Variants in SPRED2 observed in about 807,000 individuals in gnomAD.
The protein encoded by SPRED2 is sprouty-related, EVH1 domain-containing protein 2.
SPRED2 carries 47 observed loss-of-function variants against 43.0 expected under a neutral mutation model. That is an observed-to-expected ratio of 1.09 (90% CI 0.87 to 1.40). The LOEUF (loss-of-function observed/expected upper bound fraction) is 1.40, where lower values mean the gene tolerates loss of function less well. SPRED2 is among the 40% of genes most tolerant of loss of function. SPRED2 has a pLI of 0.00. For synonymous variants in SPRED2, 225 were observed against 225.7 expected (o/e 1.00, Z 0.03); for missense variants, 561 against 586.4 (o/e 0.96, Z 0.45).
intron 1 of SPRED2, among the ~76,000 whole-genome samples, chr2:65,367,224 G>C (rs1185111793): frequency 6.6e-6 from 1 of 152,202 alleles, no homozygotes; most frequent in African/African-American, 2.4e-5. Context: ...AGGTGGGATA[G>C]TGGCATTGTG....
chr2:65,354,781 C>T (rs1056680918), intron 1 of SPRED2, among the ~76,000 whole-genome samples: 10 of 152,026 alleles, frequency 6.6e-5, no homozygotes, highest in African/African-American at 2.4e-4. Context: ...AACCTAAAAC[C>T]CTAACATGGG....
chr2:65,320,458 T>C (rs77230456), intron 4 of SPRED2, among the ~76,000 whole-genome samples: 203 of 152,178 alleles, frequency 1.3e-3, no homozygotes, highest in Middle Eastern at 0.01. Flanking sequence ...CCCAGCCCTC[T>C]CTCCCTGCAC....
intron 2 of SPRED2, among the ~76,000 whole-genome samples, chr2:65,338,822 T>C (rs982391398): frequency 6.6e-6 from 1 of 150,976 alleles, no homozygotes; most frequent in Admixed American, 6.6e-5. Flanking sequence ...GGAGCGTCTC[T>C]GCCCGGCCGC....
At chr2:65,400,538 AT>A (rs900772232) in intron 1 of SPRED2, among the ~76,000 whole-genome samples, 1 of 152,124 alleles carries the variant, frequency 6.6e-6, no homozygotes, top group African/African-American at 2.4e-5. Flanking sequence ...TACAGGTGGC[AT>A]TTGGTTACAT....
chr2:65,339,036 CGGGA>C (rs1674086091), intron 2 of SPRED2, among the ~76,000 whole-genome samples: 1 of 140,044 alleles, frequency 7.1e-6, no homozygotes, highest in East Asian at 2.2e-4. Flanking sequence ...CCGCCCCGTC[CGGGA>C]GGGAGGTGGG....
chr2:65,378,734 A>C (rs1284091078), intron 1 of SPRED2, among the ~76,000 whole-genome samples: 2 of 152,164 alleles, frequency 1.3e-5, no homozygotes, highest in African/African-American at 4.8e-5. Flanking sequence ...ATCAACTAAC[A>C]CATTGGTTCT....
intron 1 of SPRED2, among the ~76,000 whole-genome samples, chr2:65,424,165 G>A (rs1174537348): frequency 1.3e-5 from 2 of 151,990 alleles, no homozygotes; most frequent in Admixed American, 1.3e-4. Context: ...CTGGTGGCTT[G>A]GGATACTTAG....
intron 1 of SPRED2, among the ~76,000 whole-genome samples, chr2:65,401,462 T>A (rs752523051): frequency 9.2e-5 from 14 of 151,786 alleles, no homozygotes; most frequent in Non-Finnish European, 1.9e-4. Flanking sequence ...TTTTTTTTCC[T>A]GGTAGCATCA....
intron 2 of SPRED2, among the ~76,000 whole-genome samples, chr2:65,340,951 G>A (rs960881067): frequency 6.6e-6 from 1 of 151,996 alleles, no homozygotes; most frequent in Non-Finnish European, 1.5e-5. Flanking sequence ...GAGCTCCCAT[G>A]TGGGCGCATG....
chr2:65,342,189 T>C (rs1453933174), intron 2 of SPRED2, among the ~76,000 whole-genome samples: 1 of 148,118 alleles, frequency 6.8e-6, no homozygotes, highest in Non-Finnish European at 1.5e-5. Flanking sequence ...GTATATTTTA[T>C]ATACGTATAT....
chr2:65,339,449 CAT>C (rs1355803680), intron 2 of SPRED2, among the ~76,000 whole-genome samples: 2 of 151,336 alleles, frequency 1.3e-5, no homozygotes, highest in Non-Finnish European at 2.9e-5. Flanking sequence ...CTCTCTGAAA[CAT>C]GTGCTGTGTC....
intron 4 of SPRED2, among the ~76,000 whole-genome samples, chr2:65,321,133 G>A (rs1484066906): frequency 6.6e-6 from 1 of 152,154 alleles, no homozygotes; most frequent in African/African-American, 2.4e-5. Context: ...TGACTACTCT[G>A]TGCTCGGGGA....
chr2:65,318,146 C>G (rs1373808919), intron 4 of SPRED2, among the ~76,000 whole-genome samples: 3 of 152,092 alleles, frequency 2.0e-5, no homozygotes, highest in Non-Finnish European at 4.4e-5. Context: ...AAGAGGTGTT[C>G]CCCTGCACAA....
intron 1 of SPRED2, among the ~76,000 whole-genome samples, chr2:65,363,805 A>G (rs2104322699): frequency 6.6e-6 from 1 of 152,330 alleles, no homozygotes; most frequent in Non-Finnish European, 1.5e-5. Context: ...ATTTTACATA[A>G]ACCTGTTTTT....
At chr2:65,364,705 A>G (rs1200433640) in intron 1 of SPRED2, among the ~76,000 whole-genome samples, 1 of 152,216 alleles carries the variant, frequency 6.6e-6, no homozygotes, top group Non-Finnish European at 1.5e-5. Flanking sequence ...GTGTCACTAA[A>G]TCAAGAACTT....
chr2:65,431,967 T>TG lies in SPRED2; in HGVS notation c.20dup (p.Asp8ArgfsTer3). 1 of 1,613,840 alleles carries TG rather than the reference T, an allele frequency of 6.2e-7. No individual in the cohort carries two copies. Among genetic ancestry groups the TG allele is most frequent in the Non-Finnish European group, 8.5e-7 (1 of 1,179,904 alleles). ...CACCCCGCGACCAAACTTACTCGTC[T>TG]GGGTGTGTTTCTTCGGTCATTTTCT... On this transcript the variant is annotated frameshift_variant, in exon 1 of 6. Coordinates refer to ENST00000356388, the MANE Select transcript of SPRED2 (RefSeq NM_181784.3). LOFTEE classifies it high-confidence loss of function.
At chr2:65,398,952 C>A (rs888443644) in intron 1 of SPRED2, among the ~76,000 whole-genome samples, 5 of 152,124 alleles carry the variant, frequency 3.3e-5, no homozygotes, top group Non-Finnish European at 7.4e-5. Flanking sequence ...ATGGAACCAC[C>A]CCAAATGCCT....
At chr2:65,343,704 T>G (rs982578999) in intron 2 of SPRED2, among the ~76,000 whole-genome samples, 1 of 152,208 alleles carries the variant, frequency 6.6e-6, no homozygotes, top group Non-Finnish European at 1.5e-5. Flanking sequence ...GGACATTCAA[T>G]TTTCCTTCCT....
At chr2:65,424,116 G>C (rs1400793056) in intron 1 of SPRED2, among the ~76,000 whole-genome samples, 6 of 151,960 alleles carry the variant, frequency 3.9e-5, no homozygotes, top group Non-Finnish European at 8.8e-5. Context: ...AGCCTATTAG[G>C]TATACAGCAG....
Sources: allele counts gnomAD v4.1 joint callset (sites outside exome capture counted in the v4.1 genomes callset), GRCh38; gene constraint gnomAD v4.1.1; transcripts MANE v1.5; gene names NCBI Gene and HGNC (gene_info 2026-07-23, HGNC 2026-07-21).